KLRC3: variants seen among roughly 807,000 people sequenced by gnomAD.
KLRC3 encodes the protein killer cell lectin like receptor C3.
In KLRC3, 16 loss-of-function variants were observed where a neutral mutation model predicts 23.6. The ratio of observed to expected loss-of-function variants is 0.68; its 90% CI spans 0.46 to 1.03. KLRC3 has a LOEUF of 1.03. Ranked by LOEUF, KLRC3 falls within the 50% of genes least tolerant of loss-of-function variation. The pLI is 0.00. For synonymous variants in KLRC3, 70 were observed against 71.8 expected (o/e 0.98, Z 0.13); for missense variants, 209 against 232.2 (o/e 0.90, Z 0.65).
In KLRC3 at chr12:10,415,849, G is replaced by A. The variant is rs567128229; in HGVS notation, c.588-55C>T. The A allele has an allele frequency of 8.2e-5, 105 of 1,281,728 alleles. No individual in the cohort carries two copies. In the African/African-American group the frequency reaches 1.4e-3, roughly 17 times the overall value. 79.4% of individuals were successfully genotyped at this position (1,281,728 alleles called of 1,614,324 possible). A position where few individuals can be genotyped will look rare whatever the true frequency, so the allele number is the denominator to read the frequency against. Reference sequence around the variant, plus strand: ...TACATTTTATGCAAATGACCCATGAGACAAAAGCATTTTCCATGTACTGTA... The same window carrying A: ...TACATTTTATGCAAATGACCCATGAAACAAAAGCATTTTCCATGTACTGTA... On this transcript the variant is annotated intron_variant, in intron 5 of 6. Transcript: ENST00000396439.
At chr12:10,415,993 C>T (rs578262810) in intron 5 of KLRC3, among the ~76,000 whole-genome samples, 199 bp from the exon 6 acceptor site, 1 of 151,986 alleles carries the variant, frequency 6.6e-6, no homozygotes, top group South Asian at 2.1e-4. Flanking sequence ...GTTTCAAGAC[C>T]CCACTGAATG....
At chr12:10,418,158 A>C (rs1286506790) in intron 4 of KLRC3, among the ~76,000 whole-genome samples, 186 bp downstream of exon 4, 2 of 152,204 alleles carry the variant, frequency 1.3e-5, no homozygotes, top group Admixed American at 6.5e-5. Flanking sequence ...AAAAAGCAAA[A>C]ACTGAAAATA....
At chr12:10,416,854 C>A in intron 4 of KLRC3, 87 bp from the exon 5 acceptor site, 2 of 1,186,194 alleles carry the variant, frequency 1.7e-6, no homozygotes, top group Non-Finnish European at 2.3e-6. Context: ...CCACTATTTG[C>A]AGTGCCAAAA....
chr12:10,413,381 C>A (rs1462233323), intron 6 of KLRC3, among the ~76,000 whole-genome samples: 1 of 152,040 alleles, frequency 6.6e-6, no homozygotes, highest in Non-Finnish European at 1.5e-5. Context: ...CATGGCAATA[C>A]CATTATGGTC....
chr12:10,414,187 T>C (rs72475439), intron 6 of KLRC3, among the ~76,000 whole-genome samples: 10,170 of 152,206 alleles, frequency 0.067, 714 homozygotes, highest in South Asian at 0.27. Context: ...ATGATCAGCA[T>C]GGATTTGTTT....
At chr12:10,420,298 C>T in intron 1 of KLRC3, 66 bp downstream of exon 1, 3 of 1,500,814 alleles carry the variant, frequency 2.0e-6, no homozygotes, top group Non-Finnish European at 9.1e-7. Context: ...CTAATCTTTC[C>T]TCACCCTTCT....
In KLRC3 at chr12:10,420,059, A is replaced by G; in HGVS notation, c.188-95T>C. The G allele has an allele frequency of 1.1e-5, 4 of 377,718 alleles. No homozygotes were observed. The South Asian group carries it at 1.2e-4, about 12-fold the overall frequency. 23.4% of individuals were successfully genotyped at this position (377,718 alleles called of 1,614,324 possible). On this transcript the variant is annotated intron_variant, in intron 1 of 6. Coordinates refer to ENST00000396439, the MANE Select transcript of KLRC3 (RefSeq NM_002261.3). ...ATTACATACTAGAGAACCCACATGC[A>G]CAGGGAAACATAATGATAAACTCTG...
At chr12:10,417,858 T>C (rs574593377) in intron 4 of KLRC3, among the ~76,000 whole-genome samples, 2 of 152,250 alleles carry the variant, frequency 1.3e-5, no homozygotes, top group African/African-American at 4.8e-5. Context: ...AAGACAGACA[T>C]GAAATTCACA....
intron 3 of KLRC3, among the ~76,000 whole-genome samples, chr12:10,418,757 A>T (rs1863681257): frequency 6.6e-6 from 1 of 152,154 alleles, no homozygotes; most frequent in Non-Finnish European, 1.5e-5. Flanking sequence ...CTTGAACCTC[A>T]CTGATACACA....
chr12:10,417,978 A>G (rs1863669626), intron 4 of KLRC3, among the ~76,000 whole-genome samples: 1 of 152,186 alleles, frequency 6.6e-6, no homozygotes, highest in African/African-American at 2.4e-5. Context: ...GAGGGCATAC[A>G]CAGGGGTGGA....
In KLRC3 at chr12:10,417,433, C is replaced by T. The variant is rs191562292; in HGVS notation, c.487-666G>A. Among the ~76,000 whole-genome samples the T allele has an allele frequency of 1.1e-3, 171 of 152,220 alleles. 1 individual carries two copies. The highest frequency in any genetic ancestry group is 3.9e-3 in the African/African-American group (160 of 41,514). On this transcript the variant is annotated intron_variant, in intron 4 of 6. Coordinates refer to ENST00000396439, the MANE Select transcript of KLRC3 (RefSeq NM_002261.3). Reference sequence around the variant, plus strand: ...GAGTGAGCATGTTAAGTCCTCCACACGACAGAAGAAGGTGACCTAGGCCTG... The same window carrying T: ...GAGTGAGCATGTTAAGTCCTCCACATGACAGAAGAAGGTGACCTAGGCCTG...
chr12:10,415,356 T>C (rs936161787), intron 6 of KLRC3, among the ~76,000 whole-genome samples: 5 of 152,182 alleles, frequency 3.3e-5, no homozygotes, highest in Admixed American at 1.3e-4. Context: ...TATTTCAACC[T>C]CCCTTAGGCA....
chr12:10,420,464 G>A lies in KLRC3; in HGVS notation c.87C>T (p.Ser29=). 1.2e-6 allele frequency: 2 copies of A among 1,612,992 alleles called. No homozygotes were observed. The highest frequency in any genetic ancestry group is 1.7e-6 in the Non-Finnish European group (2 of 1,179,616). Residue 29 remains serine (S), a synonymous_variant, in exon 1 of 7, where the codon AGC becomes AGT. Coordinates refer to ENST00000396439, the MANE Select transcript of KLRC3 (RefSeq NM_002261.3). ...TTTCCTGTTCGGTTCCTGAAATGGAGCTTTTATTGCCTTTAGGTTTCCTTT... is the reference window on the plus strand; with the variant it reads ...TTTCCTGTTCGGTTCCTGAAATGGAACTTTTATTGCCTTTAGGTTTCCTTT... ...WQQRKPKGNK[S]SISGTEQEIF...
At chr12:10,417,499 C>G (rs17548976) in intron 4 of KLRC3, among the ~76,000 whole-genome samples, 1 of 151,950 alleles carries the variant, frequency 6.6e-6, no homozygotes, top group Non-Finnish European at 1.5e-5. Flanking sequence ...AGGAGGGTAT[C>G]GAAGGAGAGT....
intron 3 of KLRC3, 75 bp from the exon 4 acceptor site, chr12:10,418,573 A>G: frequency 7.0e-7 from 1 of 1,435,282 alleles, no homozygotes; most frequent in Non-Finnish European, 9.6e-7. Flanking sequence ...TATTTGCAAC[A>G]GTATAAACAT....
intron 4 of KLRC3, among the ~76,000 whole-genome samples, chr12:10,418,001 G>A (rs1193918642): frequency 2.6e-5 from 4 of 152,098 alleles, no homozygotes; most frequent in Non-Finnish European, 5.9e-5. Flanking sequence ...TGCTAGAGCT[G>A]GAAACTTATT....
At chr12:10,415,639 C>G (rs780226052) in intron 6 of KLRC3, 65 bp downstream of exon 6, 1 of 1,604,964 alleles carries the variant, frequency 6.2e-7, no homozygotes, top group African/African-American at 1.3e-5. Flanking sequence ...TCTGTTTGAA[C>G]AAATATAAAA....
In KLRC3 at chr12:10,420,437, T is replaced by C. The variant is rs1863705412; in HGVS notation, c.114A>G (p.Ile38Met). 1.2e-6 allele frequency: 2 copies of C among 1,613,684 alleles called. No homozygotes were observed. The highest frequency in any genetic ancestry group is 1.7e-6 in the Non-Finnish European group (2 of 1,179,808). The change falls in exon 1 of 7, where the codon ATA becomes ATG. Residue 38 changes from isoleucine (I) to methionine (M), a missense_variant. Ile to Met is a conservative substitution (Grantham distance 10). Coordinates refer to ENST00000396439, the MANE Select transcript of KLRC3 (RefSeq NM_002261.3). ...TTTGAAGGTTTAATTCTACTTGGAA[T>C]ATTTCCTGTTCGGTTCCTGAAATGG... ...KSSISGTEQEIFQVELNLQNA... is the reference protein window; with the variant it reads ...KSSISGTEQEMFQVELNLQNA...
intron 5 of KLRC3, among the ~76,000 whole-genome samples, 184 bp from the exon 6 acceptor site, chr12:10,415,978 GAT>G (rs1863637068): frequency 1.3e-5 from 2 of 152,100 alleles, no homozygotes; most frequent in East Asian, 1.9e-4. Context: ...ATCCACGGGG[GAT>G]ATGTTTCAAG....
Sources: gnomAD v4.1 joint callset for allele counts (sites outside exome capture counted in the v4.1 genomes callset) on GRCh38, gnomAD v4.1.1 for gene constraint, MANE v1.5 for transcripts, NCBI Gene and HGNC (gene_info 2026-07-23, HGNC 2026-07-21) for gene names.